Variants in USF3 observed in about 807,000 individuals in gnomAD.
The protein encoded by USF3 is basic helix-loop-helix domain-containing protein USF3.
Under a neutral mutation model 157.5 loss-of-function variants are expected in USF3, and 29 were observed. The observed-to-expected ratio is 0.18, with a 90% CI of 0.14 to 0.25. The LOEUF (loss-of-function observed/expected upper bound fraction) is 0.25. Ranked by LOEUF, USF3 falls within the 10% of genes least tolerant of loss-of-function variation. The pLI, the probability that USF3 is intolerant of heterozygous loss-of-function variation, is 1.00. For synonymous variants in USF3, 893 were observed against 941.4 expected (o/e 0.95, Z 0.94); for missense variants, 2,381 against 2,667.6 (o/e 0.89, Z 2.37).
chr3:113,669,021 G>A (rs1030098458), intron 5 of USF3, among the ~76,000 whole-genome samples: 10 of 152,038 alleles, frequency 6.6e-5, no homozygotes, highest in African/African-American at 2.4e-4. Context: ...TTAAAGATAA[G>A]TATATGAAAA....
intron 4 of USF3, 150 bp from the exon 5 acceptor site, chr3:113,670,353 T>C (rs1707122244): frequency 3.3e-6 from 2 of 611,814 alleles, no homozygotes; most frequent in Non-Finnish European, 5.9e-6. Flanking sequence ...AAACCCAGCA[T>C]TTTGGGAGGC....
rs990470308 is a variant in USF3 at position 113,653,605 on chromosome 3, A to T, written c.*1339T>A. ...GCAACAGAGCCAGACTCCATCTATT[A>T]AAAAAAAAAAAAAAAAAAAAACCCT... is the stretch of plus-strand genomic sequence containing the variant. On this transcript the variant is annotated 3_prime_UTR_variant, in exon 7 of 7. Transcript: ENST00000316407. The T allele has an allele frequency of 3.7e-5, 4 of 109,346 alleles. No individual in the cohort carries two copies. Among genetic ancestry groups the T allele is most frequent in the African/African-American group, 7.4e-5 (2 of 27,074 alleles). The allele number at this position is 109,346 out of a possible 1,614,324, so 6.8% of individuals were successfully genotyped here.
intron 1 of USF3, among the ~76,000 whole-genome samples, chr3:113,687,096 T>C (rs547307284): frequency 5.3e-5 from 8 of 152,288 alleles, no homozygotes; most frequent in Non-Finnish European, 1.0e-4. Context: ...CTTATATCAG[T>C]ATGGACTCAT....
chr3:113,670,210 G>A lies in USF3; in HGVS notation c.77-7C>T, dbSNP rs564384329. 22 of 1,572,840 alleles carry A rather than the reference G, an allele frequency of 1.4e-5. No individual in the cohort carries two copies. Among genetic ancestry groups the A allele is most frequent in the African/African-American group, 4.0e-5 (3 of 74,220 alleles). ...TTCTTTCTATGCCTCTCCACTAGATGGGAGAAAATTCGTTTATCAAACCTT... is the reference window on the plus strand; with the variant it reads ...TTCTTTCTATGCCTCTCCACTAGATAGGAGAAAATTCGTTTATCAAACCTT... On this transcript the variant is annotated splice_region_variant and splice_polypyrimidine_tract_variant and intron_variant, in intron 4 of 6. Transcript: ENST00000316407.
intron 6 of USF3, among the ~76,000 whole-genome samples, chr3:113,662,481 A>C (rs940247017): frequency 6.6e-6 from 1 of 152,210 alleles, no homozygotes; most frequent in Admixed American, 6.5e-5. Context: ...AAAGCATCCT[A>C]TTCTCCAGGC....
intron 1 of USF3, among the ~76,000 whole-genome samples, chr3:113,694,803 C>T (rs746935982): frequency 2.0e-5 from 3 of 152,188 alleles, no homozygotes; most frequent in Non-Finnish European, 4.4e-5. Context: ...CCAGCACTTT[C>T]GGAAACAGAG....
rs771133268 is a variant in USF3, at chr3:113,660,513, G to A, written c.1169C>T (p.Ser390Leu). 1.4e-5 allele frequency: 22 copies of A among 1,614,136 alleles called. No homozygotes were observed. The highest frequency in any genetic ancestry group is 8.9e-5 in the East Asian group (4 of 44,882). The change falls in exon 7 of 7, where the codon TCG becomes TTG. Residue 390 changes from serine (S) to leucine (L), a missense_variant. By Grantham distance (145) the Ser-to-Leu change is moderately radical (BLOSUM62 -2). Transcript: ENST00000316407. Reference protein sequence around the residue: ...GKATIPISTLSGNPLDNGWTL... With the variant: ...GKATIPISTLLGNPLDNGWTL... ...CCAACCATTGTCCAAAGGGTTTCCC[G>A]AAAGAGTGCTTATAGGAATGGTGGC...
At position 113,649,620 on chromosome 3, in the gene USF3, G is replaced by A; in HGVS notation, c.*5324C>T. Reference sequence around the variant, plus strand: ...GAGAAGGTGTCTGATTACACAGCGTGTACCATCCCAGCTGGCCCTTTGCTA... The same window carrying A: ...GAGAAGGTGTCTGATTACACAGCGTATACCATCCCAGCTGGCCCTTTGCTA... On this transcript the variant is annotated 3_prime_UTR_variant, in exon 7 of 7. Transcript: ENST00000316407. The A allele has an allele frequency of 4.1e-6, 2 of 490,990 alleles. No individual in the cohort carries two copies. Among genetic ancestry groups the A allele is most frequent in the Non-Finnish European group, 7.1e-6 (2 of 280,240 alleles). 30.4% of individuals were successfully genotyped at this position (490,990 alleles called of 1,614,324 possible). A position where few individuals can be genotyped will look rare whatever the true frequency, so the allele number is the denominator to read the frequency against.
At chr3:113,662,531 C>T (rs1947503007) in intron 6 of USF3, among the ~76,000 whole-genome samples, 2 of 152,192 alleles carry the variant, frequency 1.3e-5, no homozygotes, top group Non-Finnish European at 2.9e-5. Flanking sequence ...AAGTTCCATT[C>T]CAACAAAGAC....
intron 1 of USF3, among the ~76,000 whole-genome samples, chr3:113,682,350 CAAA>C (rs371137226): frequency 7.3e-6 from 1 of 137,546 alleles, no homozygotes; most frequent in Non-Finnish European, 1.6e-5. Context: ...AACAAACAAA[CAAA>C]AAAAAAAAAC....
At position 113,653,396 on chromosome 3, in the gene USF3, G is replaced by A. The variant is rs9852924; in HGVS notation, c.*1548C>T. The A allele has an allele frequency of 0.31, 47,422 of 152,284 alleles. 7,461 individuals carry two copies. The highest frequency in any genetic ancestry group is 0.34 in the Non-Finnish European group (23,323 of 68,412). 9.4% of individuals were successfully genotyped at this position (152,284 alleles called of 1,614,324 possible). On this transcript the variant is annotated 3_prime_UTR_variant, in exon 7 of 7. Transcript: ENST00000316407. ...AGGCAGGTGGATCACGAGGTCAGGA[G>A]ATCAAGACCATCCTGGCTAACACGG... is the stretch of plus-strand genomic sequence containing the variant.
chr3:113,672,063 G>T (rs1392683565), intron 4 of USF3, among the ~76,000 whole-genome samples: 2 of 151,340 alleles, frequency 1.3e-5, no homozygotes, highest in African/African-American at 2.4e-5. Flanking sequence ...GAGCCATCAC[G>T]CCTGGCCTAG....
In USF3 at chr3:113,653,049, G is replaced by T; in HGVS notation, c.*1895C>A. On this transcript the variant is annotated 3_prime_UTR_variant, in exon 7 of 7. Coordinates refer to ENST00000316407, the MANE Select transcript of USF3 (RefSeq NM_001009899.4). ...ACGACACTCCAGCCTGGGTGACAGA[G>T]TCTCAAAAAAAAAAGAAAAGAAGAA... The T allele has an allele frequency of 2.7e-6, 1 of 374,810 alleles. No homozygotes were observed. Among genetic ancestry groups the T allele is most frequent in the Non-Finnish European group, 4.5e-6 (1 of 219,862 alleles). 23.2% of individuals were successfully genotyped at this position (374,810 alleles called of 1,614,324 possible). A position where few individuals can be genotyped will look rare whatever the true frequency, so the allele number is the denominator to read the frequency against.
At chr3:113,687,692 T>G (rs1707588886) in intron 1 of USF3, among the ~76,000 whole-genome samples, 1 of 152,172 alleles carries the variant, frequency 6.6e-6, no homozygotes, top group Admixed American at 6.5e-5. Flanking sequence ...TACAATTACT[T>G]TTACTAATTT....
chr3:113,661,975 T>C (rs934888818), intron 6 of USF3, among the ~76,000 whole-genome samples: 1 of 152,088 alleles, frequency 6.6e-6, no homozygotes, highest in South Asian at 2.1e-4. Flanking sequence ...GCCTCCCGAG[T>C]AGCTGAGATT....
chr3:113,660,279 C>T lies in USF3; in HGVS notation c.1403G>A (p.Ser468Asn). The T allele has an allele frequency of 6.2e-7, 1 of 1,614,122 alleles. No homozygotes were observed. The highest frequency in any genetic ancestry group is 8.5e-7 in the Non-Finnish European group (1 of 1,179,986). ...LNESGTSPTTSNHSRYVATDI... is the reference protein window; with the variant it reads ...LNESGTSPTTNNHSRYVATDI... ...TGTAGCCACATATCTACTGTGGTTGCTTGTGGTGGGGCTAGTACCAGACTC... is the reference window on the plus strand; with the variant it reads ...TGTAGCCACATATCTACTGTGGTTGTTTGTGGTGGGGCTAGTACCAGACTC... The change falls in exon 7 of 7, where the codon AGC becomes AAC. Residue 468 changes from serine (S) to asparagine (N), a missense_variant. Around this residue, in one of 6 missense-constraint regions of USF3, gnomAD observed 1,435 missense variants for 1,550.9 expected, o/e 0.93. Coordinates refer to ENST00000316407, the MANE Select transcript of USF3 (RefSeq NM_001009899.4).
intron 1 of USF3, among the ~76,000 whole-genome samples, chr3:113,685,623 C>A (rs1353354256): frequency 6.6e-6 from 1 of 151,926 alleles, no homozygotes; most frequent in Non-Finnish European, 1.5e-5. Context: ...CTGATGGCCA[C>A]CACAGATGAG....
At chr3:113,682,573 A>G (rs1406185276) in intron 1 of USF3, among the ~76,000 whole-genome samples, 2 of 152,172 alleles carry the variant, frequency 1.3e-5, no homozygotes, top group African/African-American at 2.4e-5. Context: ...GAAGTCTCCA[A>G]CTATTATTGT....
In USF3 at chr3:113,658,127, G is replaced by A. The variant is rs1472853213; in HGVS notation, c.3555C>T (p.Gly1185=). The A allele has an allele frequency of 6.2e-7, 1 of 1,614,106 alleles. No homozygotes were observed. The highest frequency in any genetic ancestry group is 8.5e-7 in the Non-Finnish European group (1 of 1,180,008). ...TTGGTGTTGCTTCTGCCTGTCCTGT[G>A]CCACTCTCTTTAGGTATCTGTGATT... is the stretch of plus-strand genomic sequence containing the variant. ...PFKSQIPKES[G]TGQAEATPNE... Residue 1185 remains glycine, a synonymous_variant, in exon 7 of 7, where the codon GGC becomes GGT. Coordinates refer to ENST00000316407, the MANE Select transcript of USF3 (RefSeq NM_001009899.4).
Sources: allele counts gnomAD v4.1 joint callset (sites outside exome capture counted in the v4.1 genomes callset), GRCh38; gene constraint gnomAD v4.1.1; regional missense constraint gnomAD v4.1.1; transcripts MANE v1.5; gene names NCBI Gene and HGNC (gene_info 2026-07-23, HGNC 2026-07-21).